Variants in CLIC2 observed in about 807,000 individuals in gnomAD.
CLIC2 encodes chloride intracellular channel protein 2.
Under a neutral mutation model 14.8 loss-of-function variants are expected in CLIC2, and 9 were observed. That is an observed-to-expected ratio of 0.61 (90% CI 0.37 to 1.06). The LOEUF is 1.06. Among genes scored for constraint, CLIC2 ranks in the 50% least tolerant of loss-of-function variants. The pLI, the probability that CLIC2 is intolerant of heterozygous loss-of-function variation, is 0.01. For missense variants in CLIC2, 148 were observed against 181.4 expected, an observed-to-expected ratio of 0.82 and a Z score of 1.06; for synonymous variants, 61 against 66.3, an observed-to-expected ratio of 0.92 and a Z score of 0.39.
chrX:155,299,429 T>C (rs1415143145), intron 1 of CLIC2, among the ~76,000 whole-genome samples: 2 of 111,243 alleles, frequency 1.8e-5, no homozygotes, highest in South Asian at 3.8e-4. Context: ...TTATTACTAC[T>C]CTAAGCACTT....
intron 3 of CLIC2, among the ~76,000 whole-genome samples, chrX:155,280,282 G>C (rs782365768): frequency 8.9e-6 from 1 of 112,754 alleles, no homozygotes; most frequent in East Asian, 2.8e-4. Flanking sequence ...GGAATCCAAA[G>C]CTCATTTATC....
intron 1 of CLIC2, among the ~76,000 whole-genome samples, chrX:155,312,052 T>A (rs899858535): frequency 1.8e-5 from 2 of 111,845 alleles, no homozygotes; most frequent in African/African-American, 6.5e-5. Context: ...GCAAAAATTG[T>A]CAATAAAATA....
At chrX:155,300,988 G>A (rs1325247377) in intron 1 of CLIC2, among the ~76,000 whole-genome samples, 45 of 56,196 alleles carry the variant, frequency 8.0e-4, no homozygotes, top group Non-Finnish European at 1.4e-3. Flanking sequence ...TAGCCTTGTA[G>A]TATAGTTTGA....
chrX:155,314,616 C>T (rs2075088590), intron 1 of CLIC2, among the ~76,000 whole-genome samples: 1 of 111,845 alleles, frequency 8.9e-6, no homozygotes, highest in African/African-American at 3.3e-5. Context: ...ATAGTCTAAG[C>T]AAGTGAGAAA....
intron 3 of CLIC2, chrX:155,293,391 C>G (rs782804834): frequency 1.0e-6 from 1 of 957,337 alleles, no homozygotes; most frequent in Non-Finnish European, 1.5e-6. Flanking sequence ...TTATACACTG[C>G]TCCCAGTGTG....
At chrX:155,302,286 C>T (rs1248484815) in intron 1 of CLIC2, among the ~76,000 whole-genome samples, 2 of 107,183 alleles carry the variant, frequency 1.9e-5, no homozygotes, top group Non-Finnish European at 3.9e-5. Context: ...AGAGATTCAA[C>T]TTCTTCCTGG....
intron 1 of CLIC2, among the ~76,000 whole-genome samples, chrX:155,331,463 CTTTGTG>C (rs1256506471): frequency 9.0e-6 from 1 of 111,556 alleles, no homozygotes; most frequent in Non-Finnish European, 1.9e-5. Context: ...CAATTTTTTT[CTTTGTG>C]TTTGTGATCT....
chrX:155,333,742 A>C (rs1447810912), intron 1 of CLIC2, among the ~76,000 whole-genome samples: 2 of 109,572 alleles, frequency 1.8e-5, no homozygotes, highest in South Asian at 3.9e-4. Flanking sequence ...AAAAAAAAAA[A>C]AACAACTCCA....
At chrX:155,311,472 A>G (rs1602952918) in intron 1 of CLIC2, among the ~76,000 whole-genome samples, 1 of 111,429 alleles carries the variant, frequency 9.0e-6, no homozygotes, top group East Asian at 2.8e-4. Context: ...CTCAGCCTGT[A>G]TTTTATTGTC....
intron 1 of CLIC2, among the ~76,000 whole-genome samples, chrX:155,311,176 A>G (rs2075073121): frequency 8.9e-6 from 1 of 112,090 alleles, no homozygotes; most frequent in South Asian, 3.7e-4. Flanking sequence ...TCCTCAGAAA[A>G]TGGGATTTTC....
intron 1 of CLIC2, 105 bp from the exon 2 acceptor site, chrX:155,299,250 T>G: frequency 1.7e-6 from 1 of 587,957 alleles, no homozygotes; most frequent in Non-Finnish European, 2.9e-6. Context: ...ATGGACATTC[T>G]TAATCTCATG....
At chrX:155,284,161 A>G (rs1481266253) in intron 3 of CLIC2, among the ~76,000 whole-genome samples, 2 of 110,826 alleles carry the variant, frequency 1.8e-5, no homozygotes, top group Non-Finnish European at 3.8e-5. Context: ...GGGTCCATGC[A>G]TAGTCTTCTA....
intron 1 of CLIC2, among the ~76,000 whole-genome samples, chrX:155,322,819 A>T (rs1028523247): frequency 2.2e-4 from 25 of 111,985 alleles, no homozygotes; most frequent in Non-Finnish European, 3.9e-4. Context: ...CAGACTAATA[A>T]AGAAGAAAAC....
intron 1 of CLIC2, among the ~76,000 whole-genome samples, chrX:155,333,394 C>T (rs956112320): frequency 9.0e-6 from 1 of 110,756 alleles, no homozygotes; most frequent in East Asian, 2.8e-4. Context: ...ACTACTACTA[C>T]TGATGATGCT....
intron 3 of CLIC2, among the ~76,000 whole-genome samples, chrX:155,282,672 T>C (rs2074924389): frequency 9.0e-6 from 1 of 110,970 alleles, no homozygotes; most frequent in African/African-American, 3.3e-5. Flanking sequence ...ACAGCCCCTT[T>C]GCTTCAGGAC....
chrX:155,324,388 A>T (rs2075128585), intron 1 of CLIC2, among the ~76,000 whole-genome samples: 1 of 111,906 alleles, frequency 8.9e-6, no homozygotes, highest in South Asian at 3.7e-4. Context: ...CAGTAACCAA[A>T]ACAGCATGGT....
At chrX:155,286,208 G>A (rs1199056084) in intron 3 of CLIC2, among the ~76,000 whole-genome samples, 10 of 111,684 alleles carry the variant, frequency 9.0e-5, no homozygotes, top group Non-Finnish European at 1.9e-4. Flanking sequence ...TTTAGCTCCC[G>A]CTTATATATG....
At chrX:155,305,429 C>A (rs1006269647) in intron 1 of CLIC2, among the ~76,000 whole-genome samples, 21 of 112,567 alleles carry the variant, frequency 1.9e-4, no homozygotes, top group Admixed American at 5.6e-4. Flanking sequence ...CGCCCTGCTT[C>A]GGCTCGCGCA....
chrX:155,289,253 C>G (rs1163584207), intron 3 of CLIC2, among the ~76,000 whole-genome samples: 2 of 111,790 alleles, frequency 1.8e-5, no homozygotes, highest in African/African-American at 6.5e-5. Flanking sequence ...ATCCCCACAG[C>G]TCATTTAGAA....
Sources: allele counts gnomAD v4.1 joint callset (sites outside exome capture counted in the v4.1 genomes callset), GRCh38; gene constraint gnomAD v4.1.1; transcripts MANE v1.5; gene names NCBI Gene and HGNC (gene_info 2026-07-23, HGNC 2026-07-21).